The following TLL2 variants were observed in gnomAD, a reference collection of about 807,000 sequenced individuals.
TLL2 encodes tolloid-like protein 2.
In TLL2, 106 loss-of-function variants were observed where a neutral mutation model predicts 123.0. That is an observed-to-expected ratio of 0.86 (90% CI 0.74 to 1.01). The LOEUF is 1.01. Ranked by LOEUF, TLL2 falls within the 50% of genes least tolerant of loss-of-function variation. The pLI is 0.00. For missense variants in TLL2, 1,332 were observed against 1,336.7 expected (o/e 1.00, Z 0.06); for synonymous variants, 494 against 516.8 (o/e 0.96, Z 0.60).
At chr10:96,456,015 C>G (rs546847692) in intron 2 of TLL2, among the ~76,000 whole-genome samples, 111 of 152,202 alleles carry the variant, frequency 7.3e-4, no homozygotes, top group Non-Finnish European at 1.2e-3. Context: ...ACCTTATGAG[C>G]ATTTCCTCAT....
intron 2 of TLL2, among the ~76,000 whole-genome samples, chr10:96,474,331 C>T (rs1444869608): frequency 6.6e-6 from 1 of 152,100 alleles, no homozygotes; most frequent in Non-Finnish European, 1.5e-5. Context: ...CAAAATGTGG[C>T]CAATTTTAAT....
At chr10:96,421,321 C>T (rs957581955) in intron 6 of TLL2, among the ~76,000 whole-genome samples, 2 of 152,110 alleles carry the variant, frequency 1.3e-5, no homozygotes, top group East Asian at 3.8e-4. Context: ...AGTTTGCAGA[C>T]AGATTAGTTA....
intron 1 of TLL2, among the ~76,000 whole-genome samples, chr10:96,505,297 G>A (rs1479220705): frequency 6.6e-6 from 1 of 152,134 alleles, no homozygotes; most frequent in East Asian, 1.9e-4. Flanking sequence ...CCACCCCCAT[G>A]ATCCAATCAC....
chr10:96,492,244 T>C (rs115130785), intron 1 of TLL2, among the ~76,000 whole-genome samples: 1,552 of 147,652 alleles, frequency 0.011, 30 homozygotes, highest in African/African-American at 0.037. Flanking sequence ...AAAAAGGCCA[T>C]GAGGGAGGTA....
At position 96,367,104 on chromosome 10, in the gene TLL2, T is replaced by C. The variant is rs1589401554; in HGVS notation, c.*984A>G. ...GCGATGATTCTTACATAACTTATAA[T>C]TAACCAGTCTTCAACAGTGTTCACC... On this transcript the variant is annotated 3_prime_UTR_variant, in exon 21 of 21. Transcript: ENST00000357947. The C allele has an allele frequency of 6.6e-6, 1 of 152,392 alleles. No homozygotes were observed. The highest frequency in any genetic ancestry group is 3.4e-3 in the Middle Eastern group (1 of 294). The allele number at this position is 152,392 out of a possible 1,614,324, so 9.4% of individuals were successfully genotyped here. A position where few individuals can be genotyped will look rare whatever the true frequency, so the allele number is the denominator to read the frequency against.
In TLL2 at chr10:96,428,688, G is replaced by C. The variant is rs761005486; in HGVS notation, c.581C>G (p.Thr194Ser). The change falls in exon 5 of 21, where the codon ACC (threonine) becomes AGC (serine). Residue 194 changes from threonine to serine, a missense_variant. Coordinates refer to ENST00000357947, the MANE Select transcript of TLL2 (RefSeq NM_012465.4). ...TTCCTCATCCGTCCTTTCTATGAAG[G>C]TCACACAGGTGTGCTTCTCCCAGTG... ...MRHWEKHTCV[T>S]FIERTDEESF... The C allele has an allele frequency of 1.2e-6, 2 of 1,613,904 alleles. No homozygotes were observed. Among genetic ancestry groups the C allele is most frequent in the Non-Finnish European group, 1.7e-6 (2 of 1,179,964 alleles).
chr10:96,494,422 G>A (rs1281749697), intron 1 of TLL2, among the ~76,000 whole-genome samples: 1 of 152,206 alleles, frequency 6.6e-6, no homozygotes, highest in African/African-American at 2.4e-5. Context: ...GTCCATCCTG[G>A]CCATATGCCC....
At chr10:96,421,142 C>G (rs1846617090) in intron 6 of TLL2, 81 bp from the exon 7 acceptor site, 9 of 1,017,360 alleles carry the variant, frequency 8.8e-6, no homozygotes, top group Non-Finnish European at 1.4e-5. Context: ...AAGGAGGGCC[C>G]ATAACAACTT....
At chr10:96,452,741 C>T (rs551663694) in intron 2 of TLL2, among the ~76,000 whole-genome samples, 4 of 152,268 alleles carry the variant, frequency 2.6e-5, no homozygotes, top group African/African-American at 9.6e-5. Flanking sequence ...AGCAAGCATC[C>T]CGGGGAAGGG....
intron 7 of TLL2, among the ~76,000 whole-genome samples, chr10:96,420,624 A>G (rs990174720): frequency 6.6e-6 from 1 of 152,198 alleles, no homozygotes; most frequent in Non-Finnish European, 1.5e-5. Flanking sequence ...CCATGCTTCT[A>G]CAAAAGACTC....
Position 96,367,809 on chromosome 10 carries a change from G to A in TLL2, c.*279C>T. 1 of 346,038 alleles carries A rather than the reference G, an allele frequency of 2.9e-6. No individual in the cohort carries two copies. The highest frequency in any genetic ancestry group is 5.4e-6 in the Non-Finnish European group (1 of 183,822). 21.4% of individuals were successfully genotyped at this position (346,038 alleles called of 1,614,324 possible). A position where few individuals can be genotyped will look rare whatever the true frequency, so the allele number is the denominator to read the frequency against. ...AAGGAGAATGGTATGAAGAAGCATAGCCGGAATGGTCAGTGACTTCAATCC... is the reference window on the plus strand; with the variant it reads ...AAGGAGAATGGTATGAAGAAGCATAACCGGAATGGTCAGTGACTTCAATCC... On this transcript the variant is annotated 3_prime_UTR_variant, in exon 21 of 21. Coordinates refer to ENST00000357947, the MANE Select transcript of TLL2 (RefSeq NM_012465.4).
intron 1 of TLL2, among the ~76,000 whole-genome samples, chr10:96,484,741 C>A (rs7910816): frequency 6.6e-6 from 1 of 152,198 alleles, no homozygotes; most frequent in Admixed American, 6.5e-5. Flanking sequence ...GCCCTGTACT[C>A]GACACATAGA....
At chr10:96,471,091 G>A (rs1024899353) in intron 2 of TLL2, among the ~76,000 whole-genome samples, 1 of 152,044 alleles carries the variant, frequency 6.6e-6, no homozygotes, top group Non-Finnish European at 1.5e-5. Flanking sequence ...GCCTCTGCCT[G>A]CCAGGTTCTA....
At chr10:96,389,948 A>T (rs1051915077) in intron 13 of TLL2, among the ~76,000 whole-genome samples, 2 of 152,244 alleles carry the variant, frequency 1.3e-5, no homozygotes, top group Non-Finnish European at 2.9e-5. Context: ...GCTTGGCTAG[A>T]TGGCACAGAG....
intron 13 of TLL2, among the ~76,000 whole-genome samples, chr10:96,387,586 T>C (rs1236839968): frequency 6.6e-6 from 1 of 152,192 alleles, no homozygotes; most frequent in African/African-American, 2.4e-5. Flanking sequence ...AGAAATACTC[T>C]TAAGAGAGGT....
chr10:96,494,316 C>T (rs1847449129), intron 1 of TLL2, among the ~76,000 whole-genome samples: 2 of 152,236 alleles, frequency 1.3e-5, no homozygotes, highest in African/African-American at 4.8e-5. Context: ...CCCTCCACTC[C>T]GCTGCCACCT....
chr10:96,409,996 G>C (rs375192582), intron 9 of TLL2, among the ~76,000 whole-genome samples: 1 of 152,184 alleles, frequency 6.6e-6, no homozygotes, highest in Admixed American at 6.5e-5. Flanking sequence ...CGGAGGCTGG[G>C]GGGAAGAATA....
intron 1 of TLL2, among the ~76,000 whole-genome samples, chr10:96,498,464 C>T (rs1847500976): frequency 6.6e-6 from 1 of 152,176 alleles, no homozygotes; most frequent in South Asian, 2.1e-4. Flanking sequence ...GGGCCTGTTG[C>T]CATTTTGACT....
At chr10:96,506,882 T>C (rs560166816) in intron 1 of TLL2, among the ~76,000 whole-genome samples, 1 of 152,292 alleles carries the variant, frequency 6.6e-6, no homozygotes, top group South Asian at 2.1e-4. Context: ...TATGTTGTTG[T>C]GGACTTTTCT....
Sources: allele counts gnomAD v4.1 joint callset (sites outside exome capture counted in the v4.1 genomes callset), GRCh38; gene constraint gnomAD v4.1.1; transcripts MANE v1.5; gene names NCBI Gene and HGNC (gene_info 2026-07-23, HGNC 2026-07-21).